Variants in CCAR1 observed in about 807,000 individuals in gnomAD.
CCAR1 encodes cell division cycle and apoptosis regulator protein 1.
Under a neutral mutation model 163.8 loss-of-function variants are expected in CCAR1, and 78 were observed. The observed-to-expected ratio is 0.48, with a 90% CI of 0.40 to 0.57. The LOEUF is 0.57. CCAR1 is among the 20% of genes least tolerant of loss of function. The pLI is 0.00. For missense variants in CCAR1, 1,019 were observed against 1,365.2 expected (o/e 0.75, Z 4.00); for synonymous variants, 443 against 460.7 (o/e 0.96, Z 0.49).
rs375502138 is a variant in CCAR1 at position 68,788,087 on chromosome 10, C to T, written c.3001+40C>T. On this transcript the variant is annotated intron_variant, in intron 22 of 24. Transcript: ENST00000265872. ...AAGATTTTGCTTTTTAATAAATATA[C>T]TAGTAATTAAAGAAGAAAAATAACT... 50 of 1,530,060 alleles carry T rather than the reference C, an allele frequency of 3.3e-5. No individual in the cohort carries two copies. The African/African-American group carries it at 5.5e-4, about 17-fold the overall frequency. The allele number at this position is 1,530,060 out of a possible 1,614,324, so 94.8% of individuals were successfully genotyped here. A position where few individuals can be genotyped will look rare whatever the true frequency, so the allele number is the denominator to read the frequency against.
chr10:68,729,790 G>C (rs1296119560), intron 2 of CCAR1, among the ~76,000 whole-genome samples: 1 of 152,036 alleles, frequency 6.6e-6, no homozygotes, highest in Non-Finnish European at 1.5e-5. Context: ...TTTTATAGTG[G>C]GGTCTTGCTA....
chr10:68,769,655 A>G lies in CCAR1; in HGVS notation c.2299-1551A>G, dbSNP rs148684119. ...ATAAATAGGTACATAACAATTTATA[A>G]TATAGGCCAGGCGTGGTGGCTCACG... On this transcript the variant is annotated intron_variant, in intron 17 of 24. Transcript: ENST00000265872. Among the ~76,000 whole-genome samples the G allele has an allele frequency of 2.0e-5, 3 of 152,006 alleles. No homozygotes were observed. In the East Asian group the frequency reaches 5.8e-4, roughly 30 times the overall value.
chr10:68,732,602 A>G (rs1021749466), intron 2 of CCAR1, among the ~76,000 whole-genome samples: 6 of 151,838 alleles, frequency 4.0e-5, no homozygotes, highest in Non-Finnish European at 8.8e-5. Flanking sequence ...GCCCGCCTCA[A>G]CCTCCCAGAG....
intron 8 of CCAR1, among the ~76,000 whole-genome samples, chr10:68,748,746 G>A (rs1210845894): frequency 6.6e-6 from 1 of 151,830 alleles, no homozygotes; most frequent in Admixed American, 6.6e-5. Context: ...CAAGGTATTG[G>A]TCTGTCACTG....
intron 17 of CCAR1, among the ~76,000 whole-genome samples, chr10:68,769,598 C>T (rs2056576422): frequency 6.8e-6 from 1 of 148,054 alleles, no homozygotes; most frequent in African/African-American, 2.5e-5. Flanking sequence ...CCAGCCTGAG[C>T]AACAAGAGTG....
At chr10:68,782,838 T>C (rs2056752623) in intron 19 of CCAR1, among the ~76,000 whole-genome samples, 1 of 152,180 alleles carries the variant, frequency 6.6e-6, no homozygotes, top group Non-Finnish European at 1.5e-5. Flanking sequence ...AGCCCGCTGT[T>C]GAGATCTGCT....
chr10:68,758,242 A>G (rs1367405834), intron 15 of CCAR1, among the ~76,000 whole-genome samples: 3 of 151,750 alleles, frequency 2.0e-5, no homozygotes, highest in Non-Finnish European at 4.4e-5. Flanking sequence ...TTTAGTAGAG[A>G]TGGGATTTTG....
chr10:68,728,165 C>G (rs1035363084), intron 2 of CCAR1, among the ~76,000 whole-genome samples: 2 of 151,980 alleles, frequency 1.3e-5, no homozygotes, highest in Admixed American at 1.3e-4. Flanking sequence ...ATAGAGGTAC[C>G]TTCAGTATAT....
chr10:68,784,210 C>T (rs900506725), intron 19 of CCAR1, among the ~76,000 whole-genome samples: 2 of 151,392 alleles, frequency 1.3e-5, no homozygotes, highest in African/African-American at 4.9e-5. Flanking sequence ...GGGATTGACT[C>T]TATTTATATA....
chr10:68,736,423 T>C (rs952911810), intron 2 of CCAR1, among the ~76,000 whole-genome samples: 1 of 152,182 alleles, frequency 6.6e-6, no homozygotes, highest in African/African-American at 2.4e-5. Context: ...GTCAACGTGA[T>C]GTACAATGGG....
At chr10:68,735,372 T>C (rs1339841646) in intron 2 of CCAR1, among the ~76,000 whole-genome samples, 2 of 3,374 alleles carry the variant, frequency 5.9e-4, no homozygotes, top group Non-Finnish European at 7.2e-4. Flanking sequence ...GTTTTTGTGC[T>C]TTTTTTTTTT....
chr10:68,763,507 G>T (rs1369784139), intron 16 of CCAR1, among the ~76,000 whole-genome samples: 1 of 152,030 alleles, frequency 6.6e-6, no homozygotes, highest in African/African-American at 2.4e-5. Flanking sequence ...CAGTGGAGTG[G>T]CACGATCTCG....
chr10:68,728,300 A>AT (rs34518553), intron 2 of CCAR1, among the ~76,000 whole-genome samples: 5,442 of 147,152 alleles, frequency 0.037, 101 homozygotes, highest in Non-Finnish European at 0.046. Flanking sequence ...TCATTTTTTG[A>AT]TTTTTTTTTT....
At position 68,756,869 on chromosome 10, in the gene CCAR1, G is replaced by A. The variant is rs750632246; in HGVS notation, c.1836+386G>A. 6.6e-6 allele frequency among the ~76,000 whole-genome samples: 1 copy of A among 152,090 alleles called. No individual in the cohort carries two copies. Among genetic ancestry groups the A allele is most frequent in the Non-Finnish European group, 1.5e-5 (1 of 68,028 alleles). ...TTCATGGTCATCAGTTCTAGTCATGGATATTTGAAATTGGACAACCACAAG... is the reference window on the plus strand; with the variant it reads ...TTCATGGTCATCAGTTCTAGTCATGAATATTTGAAATTGGACAACCACAAG... On this transcript the variant is annotated intron_variant, in intron 14 of 24. Coordinates refer to ENST00000265872, the MANE Select transcript of CCAR1 (RefSeq NM_018237.4). This position sits in a 1 kb window ranked among gnomAD's most constrained non-coding sequence, Gnocchi z 5.1.
chr10:68,781,245 AAAG>A (rs1373255092), intron 19 of CCAR1, among the ~76,000 whole-genome samples: 9 of 150,142 alleles, frequency 6.0e-5, no homozygotes, highest in African/African-American at 1.7e-4. Context: ...AAAAAAAAGA[AAAG>A]AAATTAGACC....
At chr10:68,721,647 GAATAGAGGCT>G (rs1459248306) in intron 1 of CCAR1, 1 of 437,846 alleles carries the variant, frequency 2.3e-6, no homozygotes, top group Non-Finnish European at 4.6e-6. Flanking sequence ...GGGTCTTGGG[GAATAGAGGCT>G]TTCTCCGTGC....
chr10:68,745,686 A>G (rs1331953942), intron 6 of CCAR1, among the ~76,000 whole-genome samples: 2 of 147,328 alleles, frequency 1.4e-5, no homozygotes, highest in East Asian at 4.1e-4. Flanking sequence ...CTGGTCTTGA[A>G]CCTCTGACCT....
chr10:68,729,872 A>G (rs746276829), intron 2 of CCAR1, among the ~76,000 whole-genome samples: 1 of 151,908 alleles, frequency 6.6e-6, no homozygotes, highest in Non-Finnish European at 1.5e-5. Flanking sequence ...GTGCACCAAC[A>G]TGTTCTGCCA....
Position 68,786,647 on chromosome 10 carries a change from G to A in CCAR1, c.2835G>A (p.Leu945=). The part of the protein sequence containing the change: ...SHCGYLLEKD[L]EEILYTLGLH... ...GTGGTTACCTTCTTGAAAAGGATTT[G>A]GAAGAAATACTTTATACTCTTGGAC... Residue 945 remains leucine (L), a synonymous_variant, in exon 21 of 25, where the codon TTG becomes TTA. Coordinates refer to ENST00000265872, the MANE Select transcript of CCAR1 (RefSeq NM_018237.4). 6.2e-7 allele frequency: 1 copy of A among 1,603,802 alleles called. No homozygotes were observed. Among genetic ancestry groups the A allele is most frequent in the Non-Finnish European group, 8.5e-7 (1 of 1,175,258 alleles).
Sources: gnomAD v4.1 joint callset for allele counts (sites outside exome capture counted in the v4.1 genomes callset) on GRCh38, gnomAD v4.1.1 for gene constraint, Gnocchi (gnomAD v3.1) non-coding constraint, MANE v1.5 for transcripts, NCBI Gene and HGNC (gene_info 2026-07-23, HGNC 2026-07-21) for gene names.